PPARGC1A: variants seen among roughly 807,000 people sequenced by gnomAD.
PPARGC1A encodes peroxisome proliferator-activated receptor gamma coactivator 1-alpha.
In PPARGC1A, 25 loss-of-function variants were observed where a neutral mutation model predicts 88.7. That is an observed-to-expected ratio of 0.28 (90% CI 0.21 to 0.39). The LOEUF (loss-of-function observed/expected upper bound fraction) is 0.39, where lower values mean the gene tolerates loss of function less well. Ranked by LOEUF, PPARGC1A falls within the 10% of genes least tolerant of loss-of-function variation. The pLI, the probability that PPARGC1A is intolerant of heterozygous loss-of-function variation, is 1.00. For synonymous variants in PPARGC1A, 363 were observed against 355.6 expected, an observed-to-expected ratio of 1.02 and a Z score of -0.24; for missense variants, 880 against 968.7, an observed-to-expected ratio of 0.91 and a Z score of 1.22.
chr4:23,909,128 G>A, the PPARGC1A span, among the ~76,000 whole-genome samples: 71 of 152,224 alleles, frequency 4.7e-4, no homozygotes, highest in East Asian at 0.011. Context: ...ATTAATCTCC[G>A]AAACATCCTA....
chr4:24,087,052 A>C, the PPARGC1A span, among the ~76,000 whole-genome samples: 1 of 152,202 alleles, frequency 6.6e-6, no homozygotes, highest in Admixed American at 6.5e-5. Flanking sequence ...CATAATAGTA[A>C]AGATACCTCA....
At chr4:24,243,109 G>T in the PPARGC1A span, among the ~76,000 whole-genome samples, 2 of 152,054 alleles carry the variant, frequency 1.3e-5, no homozygotes, top group Non-Finnish European at 2.9e-5. Context: ...TTGCTCCATT[G>T]TATCCCTAGC....
At chr4:24,388,680 G>C in the PPARGC1A span, among the ~76,000 whole-genome samples, 2 of 152,164 alleles carry the variant, frequency 1.3e-5, no homozygotes, top group African/African-American at 4.8e-5. Flanking sequence ...GGACATGGAT[G>C]AATCTGGAAG....
the PPARGC1A span, among the ~76,000 whole-genome samples, chr4:24,227,262 C>T: frequency 6.6e-6 from 1 of 151,834 alleles, no homozygotes; most frequent in African/African-American, 2.4e-5. Context: ...TGTTTTTGTA[C>T]TTTTAGTAGA....
the PPARGC1A span, among the ~76,000 whole-genome samples, chr4:24,003,422 G>A: frequency 2.0e-5 from 3 of 152,082 alleles, no homozygotes; most frequent in African/African-American, 2.4e-5. Context: ...GAATTAGGAC[G>A]AAAAAAATGT....
chr4:23,866,483 T>C (rs779324084), intron 2 of PPARGC1A, among the ~76,000 whole-genome samples: 19 of 152,334 alleles, frequency 1.2e-4, no homozygotes, highest in Non-Finnish European at 2.2e-4. Flanking sequence ...TTTAAAAATC[T>C]ATATGAAAAA....
At chr4:23,937,416 C>A in the PPARGC1A span, among the ~76,000 whole-genome samples, 11 of 152,198 alleles carry the variant, frequency 7.2e-5, no homozygotes, top group Admixed American at 5.2e-4. Flanking sequence ...AAACTTGGCA[C>A]TAAGCCAGAG....
the PPARGC1A span, among the ~76,000 whole-genome samples, chr4:24,076,490 T>C: frequency 6.6e-6 from 1 of 152,280 alleles, no homozygotes; most frequent in East Asian, 1.9e-4. Flanking sequence ...ACAAGTTTAT[T>C]GAGTGGGGAA....
the PPARGC1A span, among the ~76,000 whole-genome samples, chr4:24,026,523 C>T: frequency 6.6e-6 from 1 of 152,108 alleles, no homozygotes; most frequent in Non-Finnish European, 1.5e-5. Flanking sequence ...AAAGACAAAA[C>T]CTCTTTCTAA....
chr4:24,001,482 C>G, the PPARGC1A span, among the ~76,000 whole-genome samples: 1 of 152,028 alleles, frequency 6.6e-6, no homozygotes, highest in African/African-American at 2.4e-5. Context: ...TCTTCAAAAA[C>G]CTGATCCATT....
the PPARGC1A span, among the ~76,000 whole-genome samples, chr4:24,369,916 G>A: frequency 1.3e-5 from 2 of 152,220 alleles, no homozygotes; most frequent in Non-Finnish European, 2.9e-5. Context: ...CCAGCAGAAA[G>A]TGGAGGCTAG....
chr4:23,905,632 T>A (rs1719944192), upstream of PPARGC1A, among the ~76,000 whole-genome samples: 1 of 152,216 alleles, frequency 6.6e-6, no homozygotes, highest in Admixed American at 6.5e-5. Flanking sequence ...TTACTGTATA[T>A]CAAATGCTGT....
At chr4:24,081,348 G>A in the PPARGC1A span, among the ~76,000 whole-genome samples, 1 of 152,130 alleles carries the variant, frequency 6.6e-6, no homozygotes, top group South Asian at 2.1e-4. Context: ...TTGGCAAGAA[G>A]CTGACTTGAG....
In PPARGC1A at chr4:23,814,489, T is replaced by C; in HGVS notation, c.994A>G (p.Arg332Gly). The C allele has an allele frequency of 1.2e-6, 2 of 1,613,798 alleles. No homozygotes were observed. The highest frequency in any genetic ancestry group is 1.7e-6 in the Non-Finnish European group (2 of 1,179,910). The change falls in exon 8 of 13, where the codon AGG becomes GGG. Residue 332 changes from arginine (R) to glycine (G), a missense_variant. Transcript: ENST00000264867. Reference sequence around the variant, plus strand: ...TGTGTACCAGAAGACTCACTGTACCTGGGCTTCTTTGATGGTGGTGGCACC... The same window carrying C: ...TGTGTACCAGAAGACTCACTGTACCCGGGCTTCTTTGATGGTGGTGGCACC... Reference protein sequence around the residue: ...TVVPPPSKKPRYSESSGTQGN... With the variant: ...TVVPPPSKKPGYSESSGTQGN...
chr4:24,387,838 AAGAG>A, the PPARGC1A span, among the ~76,000 whole-genome samples: 420 of 72,320 alleles, frequency 5.8e-3, 9 homozygotes, highest in African/African-American at 8.9e-3. Flanking sequence ...GAAAGAGAGA[AAGAG>A]AGAGAGAAAG....
At chr4:24,393,663 C>G in the PPARGC1A span, among the ~76,000 whole-genome samples, 1 of 152,196 alleles carries the variant, frequency 6.6e-6, no homozygotes, top group Admixed American at 6.5e-5. Flanking sequence ...GAAGTGAAAA[C>G]ACTTGGAACA....
At chr4:23,802,676 CAAAAAAAAAA>C (rs397823520) in intron 10 of PPARGC1A, among the ~76,000 whole-genome samples, 18 of 26,130 alleles carry the variant, frequency 6.9e-4, no homozygotes, top group Admixed American at 3.9e-3. Context: ...GACTCCATCT[CAAAAAAAAAA>C]AAAAAAAAAA....
chr4:23,913,299 GA>G, the PPARGC1A span, among the ~76,000 whole-genome samples: 4 of 135,544 alleles, frequency 3.0e-5, no homozygotes, highest in African/African-American at 1.1e-4. Context: ...GAGAGAGAGA[GA>G]GAGAGAGAAA....
At chr4:23,891,266 C>T (rs981402984), upstream of PPARGC1A, among the ~76,000 whole-genome samples, 3 of 152,140 alleles carry the variant, frequency 2.0e-5, no homozygotes, top group Non-Finnish European at 4.4e-5. Flanking sequence ...GAGATGTACA[C>T]GTGTATGTAT....
Sources: allele counts gnomAD v4.1 joint callset (sites outside exome capture counted in the v4.1 genomes callset), GRCh38; gene constraint gnomAD v4.1.1; transcripts MANE v1.5; gene names NCBI Gene and HGNC (gene_info 2026-07-23, HGNC 2026-07-21).